Variants in CHN2 observed in about 807,000 individuals in gnomAD.
The protein encoded by CHN2 is chimerin 2.
CHN2 carries 35 observed loss-of-function variants against 56.3 expected under a neutral mutation model. The observed-to-expected ratio is 0.62, with a 90% CI of 0.47 to 0.82. CHN2 has a LOEUF of 0.82. CHN2 is among the 40% of genes least tolerant of loss of function. The probability of loss-of-function intolerance (pLI) is 0.00; values close to 1 mark genes in which losing one functional copy is unlikely to be tolerated. For synonymous variants in CHN2, 210 were observed against 212.8 expected (o/e 0.99, Z 0.12); for missense variants, 491 against 580.5 (o/e 0.85, Z 1.58).
At chr7:29,297,276 C>T (rs1197935037) in intron 1 of CHN2, among the ~76,000 whole-genome samples, 3 of 152,192 alleles carry the variant, frequency 2.0e-5, no homozygotes, top group Admixed American at 6.5e-5. Flanking sequence ...GCCTCACCCC[C>T]CATTCTCCTA....
chr7:29,480,401 T>C, intron 7 of CHN2, 45 bp downstream of exon 7: 2 of 1,576,122 alleles, frequency 1.3e-6, no homozygotes, highest in South Asian at 2.2e-5. Flanking sequence ...AAAGGGCAGG[T>C]GGAAAGGTAC....
At chr7:29,163,348 G>C (rs1246188056) in intron 2 of CHN2, among the ~76,000 whole-genome samples, 1 of 151,926 alleles carries the variant, frequency 6.6e-6, no homozygotes, top group Non-Finnish European at 1.5e-5. Flanking sequence ...ATTGAATTAA[G>C]TAAAATATAT....
At chr7:29,502,184 A>G (rs951071832) in intron 9 of CHN2, among the ~76,000 whole-genome samples, 4 of 152,184 alleles carry the variant, frequency 2.6e-5, no homozygotes, top group African/African-American at 7.2e-5. Flanking sequence ...ACCCTGAGTA[A>G]CAGTGCCTTT....
At chr7:29,263,177 C>T (rs1204847827) in intron 1 of CHN2, among the ~76,000 whole-genome samples, 9 of 152,182 alleles carry the variant, frequency 5.9e-5, no homozygotes, top group African/African-American at 1.2e-4. Context: ...TGCAGGCACG[C>T]GCCGCCACGC....
rs1053976489 is a variant in CHN2 at position 29,444,593 on chromosome 7, A to G, written c.577-35686A>G. Among the ~76,000 whole-genome samples, 11 of 152,212 alleles carry G rather than the reference A, an allele frequency of 7.2e-5. 1 individual carries two copies. The highest frequency in any genetic ancestry group is 1.3e-4 in the Non-Finnish European group (9 of 68,028). ...CCAGCAGCAGTTCAACTTCTCTACA[A>G]AATGACTCAAGGCCTCTGCAGGCCT... is the stretch of plus-strand genomic sequence containing the variant. On this transcript the variant is annotated intron_variant, in intron 6 of 12. Transcript: ENST00000222792.
intron 6 of CHN2, among the ~76,000 whole-genome samples, chr7:29,473,482 T>TTTTTTTTTTTTTTGTG (rs539151442): frequency 8.5e-6 from 1 of 118,166 alleles, no homozygotes; most frequent in African/African-American, 3.3e-5. Flanking sequence ...TTTTTTTTTT[T>TTTTTTTTTTTTTTGTG]TGTGTGTGTG....
At chr7:29,273,157 T>C (rs1293532273) in intron 1 of CHN2, among the ~76,000 whole-genome samples, 5 of 151,744 alleles carry the variant, frequency 3.3e-5, no homozygotes, top group African/African-American at 9.7e-5. Context: ...TGTTTCATTC[T>C]CTATCTCTGT....
At chr7:29,396,655 T>G (rs12700960) in intron 4 of CHN2, 133,226 of 150,608 alleles carry the variant, frequency 0.88, 59,181 homozygotes, top group Non-Finnish European at 0.93. Context: ...ACTTATGTGT[T>G]GGAATATTGG....
chr7:29,386,715 C>G (rs1026164091), intron 3 of CHN2, among the ~76,000 whole-genome samples: 2 of 152,262 alleles, frequency 1.3e-5, no homozygotes, highest in African/African-American at 4.8e-5. Context: ...TTGAAAAATA[C>G]ATTGGGAAAT....
At chr7:29,211,296 T>C (rs1254002848) in intron 1 of CHN2, among the ~76,000 whole-genome samples, 2 of 151,816 alleles carry the variant, frequency 1.3e-5, no homozygotes, top group Non-Finnish European at 2.9e-5. Context: ...GCCGGGATGG[T>C]CTCGATCTCC....
At chr7:29,157,078 A>G (rs1201682281) in intron 2 of CHN2, among the ~76,000 whole-genome samples, 2 of 152,170 alleles carry the variant, frequency 1.3e-5, no homozygotes, top group Non-Finnish European at 2.9e-5. Flanking sequence ...GCACCGACAA[A>G]TTGTAGGGAA....
chr7:29,310,701 A>G (rs2128885801), intron 1 of CHN2, among the ~76,000 whole-genome samples: 1 of 152,286 alleles, frequency 6.6e-6, no homozygotes, highest in East Asian at 1.9e-4. Context: ...GTGAAAACCC[A>G]TTTCCTGATT....
At chr7:29,479,489 T>C (rs1201620882) in intron 6 of CHN2, among the ~76,000 whole-genome samples, 1 of 152,172 alleles carries the variant, frequency 6.6e-6, no homozygotes, top group African/African-American at 2.4e-5. Context: ...GCTCAGACTG[T>C]TCCAATGTAA....
chr7:29,303,744 T>G (rs966755363), intron 1 of CHN2, among the ~76,000 whole-genome samples: 2 of 152,216 alleles, frequency 1.3e-5, no homozygotes, highest in Non-Finnish European at 2.9e-5. Flanking sequence ...TTCTGCTTTG[T>G]GTTTCTTTCC....
intron 7 of CHN2, among the ~76,000 whole-genome samples, chr7:29,488,393 G>A (rs1490524095): frequency 6.6e-6 from 1 of 152,116 alleles, no homozygotes; most frequent in Non-Finnish European, 1.5e-5. Context: ...TGCTGACCTG[G>A]GTGACGCAGG....
intron 1 of CHN2, among the ~76,000 whole-genome samples, chr7:29,347,696 G>A (rs1181917501): frequency 1.3e-5 from 2 of 152,116 alleles, no homozygotes; most frequent in African/African-American, 4.8e-5. Flanking sequence ...GACGCAGACC[G>A]AAGCCATATC....
At chr7:29,328,188 G>A (rs1461455243) in intron 1 of CHN2, among the ~76,000 whole-genome samples, 2 of 152,174 alleles carry the variant, frequency 1.3e-5, no homozygotes, top group African/African-American at 4.8e-5. Context: ...TGGAACCCGA[G>A]AAGTCTGAAT....
At chr7:29,157,846 A>T (rs1284260777) in intron 2 of CHN2, among the ~76,000 whole-genome samples, 6 of 152,042 alleles carry the variant, frequency 3.9e-5, no homozygotes, top group Non-Finnish European at 7.4e-5. Context: ...TAAAAAAAAA[A>T]TCCTTCTATG....
intron 3 of CHN2, among the ~76,000 whole-genome samples, chr7:29,392,892 G>GT (rs1801473245): frequency 6.6e-6 from 1 of 152,206 alleles, no homozygotes; most frequent in African/African-American, 2.4e-5. Context: ...ATAACTTAAT[G>GT]TGGCTCTACA....
Sources: gnomAD v4.1 joint callset for allele counts (sites outside exome capture counted in the v4.1 genomes callset) on GRCh38, gnomAD v4.1.1 for gene constraint, MANE v1.5 for transcripts, NCBI Gene and HGNC (gene_info 2026-07-23, HGNC 2026-07-21) for gene names.